Variants in SEC63 observed in about 807,000 individuals in gnomAD.
The protein encoded by SEC63 is translocation protein SEC63 homolog.
A neutral mutation model predicts 116.2 loss-of-function variants in SEC63; 56 were observed. The ratio of observed to expected loss-of-function variants is 0.48; its 90% confidence interval spans 0.39 to 0.60. SEC63 has a LOEUF of 0.60. SEC63 is among the 20% of genes least tolerant of loss of function. The pLI is 0.00. For synonymous variants in SEC63, 273 were observed against 294.6 expected, an observed-to-expected ratio of 0.93 and a Z score of 0.75; for missense variants, 668 against 900.0, an observed-to-expected ratio of 0.74 and a Z score of 3.30.
At chr6:107,935,168 G>T (rs1770188298) in intron 1 of SEC63, among the ~76,000 whole-genome samples, 1 of 148,498 alleles carries the variant, frequency 6.7e-6, no homozygotes, top group Non-Finnish European at 1.5e-5. Flanking sequence ...GGAGGGAGGT[G>T]GGGGGGTCAG....
intron 16 of SEC63, among the ~76,000 whole-genome samples, chr6:107,889,989 T>A (rs1050655614): frequency 1.3e-5 from 2 of 152,144 alleles, no homozygotes; most frequent in African/African-American, 4.8e-5. Flanking sequence ...CTGAGGAGTG[T>A]TTTACTTCCA....
At chr6:107,957,521 T>G (rs879441339) in intron 1 of SEC63, 1 of 164,004 alleles carries the variant, frequency 6.1e-6, no homozygotes, top group African/African-American at 2.4e-5. Flanking sequence ...ACGTTCAGTC[T>G]CTTCTTGGCC....
In SEC63 at chr6:107,912,492, G is replaced by T. The variant is rs544423321; in HGVS notation, c.573+224C>A. Among the ~76,000 whole-genome samples the T allele has an allele frequency of 1.1e-3, 175 of 152,292 alleles. 2 individuals carry two copies. Among genetic ancestry groups the T allele is most frequent in the African/African-American group, 4.1e-3 (169 of 41,564 alleles). The stretch of plus-strand genomic sequence containing the variant: ...CAGCTACTCAGCGGGGGCTGAGGCA[G>T]GAGAATCGCTTGAACCCAGGAGGCA... On this transcript the variant is annotated intron_variant, in intron 6 of 20. Transcript: ENST00000369002.
intron 13 of SEC63, among the ~76,000 whole-genome samples, chr6:107,900,597 A>G (rs1786978508): frequency 6.6e-6 from 1 of 152,168 alleles, no homozygotes; most frequent in Non-Finnish European, 1.5e-5. Flanking sequence ...GCAGTGAGCC[A>G]AAATCGCACC....
At chr6:107,940,463 A>G (rs750054778) in intron 1 of SEC63, among the ~76,000 whole-genome samples, 1 of 152,138 alleles carries the variant, frequency 6.6e-6, no homozygotes, top group East Asian at 1.9e-4. Context: ...AATTCTTATA[A>G]TTCAATGTTT....
chr6:107,891,952 G>A (rs1442706383), intron 16 of SEC63, among the ~76,000 whole-genome samples: 3 of 152,290 alleles, frequency 2.0e-5, no homozygotes, highest in Admixed American at 6.5e-5. Flanking sequence ...AGGGGCACTC[G>A]CCAGATGCCA....
chr6:107,869,627 G>A lies in SEC63; in HGVS notation c.*2077C>T, dbSNP rs1223503736. ...GAGAGAGAAGAACTATCAACTGAAGGCTCAGTTCTTTCACTACTGCCATAT... is the reference window on the plus strand; with the variant it reads ...GAGAGAGAAGAACTATCAACTGAAGACTCAGTTCTTTCACTACTGCCATAT... On this transcript the variant is annotated 3_prime_UTR_variant, in exon 21 of 21. Coordinates refer to ENST00000369002, the MANE Select transcript of SEC63 (RefSeq NM_007214.5). 1 of 152,120 alleles carries A rather than the reference G, an allele frequency of 6.6e-6. No homozygotes were observed. 9.4% of individuals were successfully genotyped at this position (152,120 alleles called of 1,614,324 possible). A position where few individuals can be genotyped will look rare whatever the true frequency, so the allele number is the denominator to read the frequency against.
At position 107,958,172 on chromosome 6, in the gene SEC63, C is replaced by T; in HGVS notation, c.-163G>A. The T allele has an allele frequency of 2.8e-6, 3 of 1,065,546 alleles. No homozygotes were observed. In the South Asian group the frequency reaches 4.3e-5, roughly 15 times the overall value. The allele number at this position is 1,065,546 out of a possible 1,614,324, so 66.0% of individuals were successfully genotyped here. ...TCTCACGGACACGCCGCCGCCACCT[C>T]TGCCGCTGCCGCCGCCGTCGCCAGC... On this transcript the variant is annotated 5_prime_UTR_variant, in exon 1 of 21. Transcript: ENST00000369002.
rs1018376575 is a variant in SEC63, at chr6:107,933,873, G to A, written c.125-4359C>T. Among the ~76,000 whole-genome samples, 24 of 152,338 alleles carry A rather than the reference G, an allele frequency of 1.6e-4. No individual in the cohort carries two copies. In the East Asian group the frequency reaches 1.7e-3, roughly 11 times the overall value. ...GTGCCTGCGATTGCAGGCGCGCGCC[G>A]CCACGCCTGACTGGTTTTCGTACTT... On this transcript the variant is annotated intron_variant, in intron 1 of 20. Transcript: ENST00000369002.
chr6:107,938,924 G>T (rs1189921026), intron 1 of SEC63, among the ~76,000 whole-genome samples: 1 of 152,114 alleles, frequency 6.6e-6, no homozygotes, highest in Non-Finnish European at 1.5e-5. Flanking sequence ...TTAATTCCCT[G>T]TGACTATAAA....
intron 2 of SEC63, 97 bp downstream of exon 2, chr6:107,929,318 C>T: frequency 1.4e-6 from 1 of 697,098 alleles, no homozygotes. Context: ...AATTTCTTTA[C>T]AGACACAATG....
At chr6:107,893,980 AT>A in intron 14 of SEC63, 83 bp from the exon 15 acceptor site, 2 of 1,407,610 alleles carry the variant, frequency 1.4e-6, no homozygotes, top group African/African-American at 1.4e-5. Flanking sequence ...TTCAAACTGC[AT>A]TTTTATTAAG....
At chr6:107,915,884 C>T (rs11751005) in intron 4 of SEC63, among the ~76,000 whole-genome samples, 1 of 152,114 alleles carries the variant, frequency 6.6e-6, no homozygotes, top group Non-Finnish European at 1.5e-5. Context: ...TCTCAAAGTT[C>T]TAGGTCCCAC....
At chr6:107,941,253 T>C (rs1358265428) in intron 1 of SEC63, among the ~76,000 whole-genome samples, 1 of 151,980 alleles carries the variant, frequency 6.6e-6, no homozygotes, top group Admixed American at 6.6e-5. Flanking sequence ...TAAAGAAAAT[T>C]TGAGCCTGGG....
chr6:107,921,735 A>G, intron 4 of SEC63, 62 bp downstream of exon 4: 1 of 1,041,012 alleles, frequency 9.6e-7, no homozygotes, highest in Non-Finnish European at 1.5e-6. Context: ...TACAGGCATG[A>G]ACCACTGCAC....
At chr6:107,910,595 TAC>T (rs750567894) in intron 7 of SEC63, among the ~76,000 whole-genome samples, 132 of 152,160 alleles carry the variant, frequency 8.7e-4, no homozygotes, top group Middle Eastern at 6.8e-3. Context: ...ATGTATGTCA[TAC>T]ACACACGTGT....
intron 16 of SEC63, among the ~76,000 whole-genome samples, chr6:107,885,005 A>G (rs1786495854): frequency 1.3e-5 from 2 of 152,166 alleles, no homozygotes; most frequent in African/African-American, 4.8e-5. Context: ...AATAAAAGGA[A>G]ACATTTCCTT....
Position 107,913,260 on chromosome 6 carries a change from T to C in SEC63, c.514+106A>G, listed in dbSNP as rs1583751285. ...CTCAATTTATCTATGTTAAACTCCA[T>C]GTGAGTATAAGTTTAGTAAGAAAAT... On this transcript the variant is annotated intron_variant, in intron 5 of 20. Transcript: ENST00000369002. 1.1e-5 allele frequency: 9 copies of C among 819,240 alleles called. No individual in the cohort carries two copies. In the East Asian group the frequency reaches 1.5e-4, roughly 14 times the overall value. 50.7% of individuals were successfully genotyped at this position (819,240 alleles called of 1,614,324 possible).
At chr6:107,900,487 C>CA (rs1490641882) in intron 13 of SEC63, among the ~76,000 whole-genome samples, 1 of 151,860 alleles carries the variant, frequency 6.6e-6, no homozygotes, top group South Asian at 2.1e-4. Context: ...ACTAAAATTA[C>CA]AAAAAATAAA....
Sources: allele counts gnomAD v4.1 joint callset (sites outside exome capture counted in the v4.1 genomes callset), GRCh38; gene constraint gnomAD v4.1.1; transcripts MANE v1.5; gene names NCBI Gene and HGNC (gene_info 2026-07-23, HGNC 2026-07-21).